Variants in RYR2 observed in about 807,000 individuals in gnomAD.
The protein encoded by RYR2 is cardiac muscle ryanodine receptor-calcium release channel.
In RYR2, 227 loss-of-function variants were observed where a neutral mutation model predicts 601.1. That is an observed-to-expected ratio of 0.38 (90% CI 0.34 to 0.42). RYR2 has a LOEUF of 0.42. RYR2 is among the 10% of genes least tolerant of loss of function. The pLI is 1.00. For missense variants in RYR2, 4,646 were observed against 6,156.5 expected, an observed-to-expected ratio of 0.75 and a Z score of 8.21; for synonymous variants, 2,223 against 2,175.1, an observed-to-expected ratio of 1.02 and a Z score of -0.61.
At chr1:237,698,535 GA>G (rs1375172562) in intron 63 of RYR2, among the ~76,000 whole-genome samples, 2 of 152,092 alleles carry the variant, frequency 1.3e-5, no homozygotes, top group Admixed American at 1.3e-4. Flanking sequence ...GATGAAATAA[GA>G]AAGCAGAATT....
intron 17 of RYR2, among the ~76,000 whole-genome samples, chr1:237,490,471 G>T (rs1338455973): frequency 6.6e-6 from 1 of 151,968 alleles, no homozygotes; most frequent in African/African-American, 2.4e-5. Context: ...TTTTATTTTA[G>T]CACAGAATGA....
rs190865702 is a variant in RYR2, at chr1:237,349,146, A to G, written c.274-6819A>G. Among the ~76,000 whole-genome samples the G allele has an allele frequency of 3.0e-4, 45 of 152,278 alleles. 1 individual carries two copies. The East Asian group carries it at 8.5e-3, about 29-fold the overall frequency. ...AAGGAATATTAATACTTATAAAACC[A>G]CACTGGGTTACCATAGTAAAAATGC... On this transcript the variant is annotated intron_variant, in intron 3 of 104. Coordinates refer to ENST00000366574, the MANE Select transcript of RYR2 (RefSeq NM_001035.3).
At chr1:237,393,763 C>A (rs554966090) in intron 10 of RYR2, among the ~76,000 whole-genome samples, 1 of 152,172 alleles carries the variant, frequency 6.6e-6, no homozygotes, top group African/African-American at 2.4e-5. Flanking sequence ...GGGAGAGATT[C>A]GCTTTTTACC....
At chr1:237,586,198 C>G (rs561845729) in intron 29 of RYR2, among the ~76,000 whole-genome samples, 1 of 152,282 alleles carries the variant, frequency 6.6e-6, no homozygotes, top group South Asian at 2.1e-4. Context: ...GTATATTCTT[C>G]AATCGTCAAT....
chr1:237,767,618 C>T (rs1192914706), intron 84 of RYR2, among the ~76,000 whole-genome samples: 1 of 152,158 alleles, frequency 6.6e-6, no homozygotes, highest in African/African-American at 2.4e-5. Context: ...ATATCTAGCA[C>T]AATGCCTAGC....
chr1:237,047,826 C>T (rs1558139292), intron 1 of RYR2, among the ~76,000 whole-genome samples: 1 of 152,132 alleles, frequency 6.6e-6, no homozygotes, highest in Non-Finnish European at 1.5e-5. Context: ...AGATTCTGTC[C>T]TATTTCCTGT....
Position 237,625,720 on chromosome 1 carries a change from C to T in RYR2, c.6082C>T (p.Arg2028Cys), listed in dbSNP as rs767787774. 16 of 1,613,536 alleles carry T rather than the reference C, an allele frequency of 9.9e-6. No individual in the cohort carries two copies. Among genetic ancestry groups the T allele is most frequent in the South Asian group, 2.2e-5 (2 of 91,066 alleles). The change falls in exon 40 of 105, where the codon CGT (arginine) becomes TGT (cysteine). Residue 2028 changes from arginine to cysteine, a missense_variant. Around this residue, in one of 17 missense-constraint regions of RYR2, gnomAD observed 170 missense variants for 184.5 expected, o/e 0.92. Transcript: ENST00000366574. ...DGNSDLTIRGRLLSLVEKVTY... is the reference protein window; with the variant it reads ...DGNSDLTIRGCLLSLVEKVTY... The stretch of plus-strand genomic sequence containing the variant: ...AAACAGTGATTTAACAATTAGAGGG[C>T]GTCTGCTATCCCTGGTAGAAAAGGT...
At chr1:237,365,842 TA>T (rs1700148692) in intron 5 of RYR2, among the ~76,000 whole-genome samples, 1 of 152,168 alleles carries the variant, frequency 6.6e-6, no homozygotes, top group African/African-American at 2.4e-5. Context: ...CAAATGCATA[TA>T]AAAACCAGTG....
intron 2 of RYR2, among the ~76,000 whole-genome samples, chr1:237,298,109 G>A (rs1475825487): frequency 6.6e-6 from 1 of 151,992 alleles, no homozygotes; most frequent in Admixed American, 6.6e-5. Flanking sequence ...GGAATCATTT[G>A]TTCCTTCAGA....
chr1:237,071,074 G>A (rs1174846562), intron 1 of RYR2, among the ~76,000 whole-genome samples: 1 of 152,232 alleles, frequency 6.6e-6, no homozygotes, highest in Non-Finnish European at 1.5e-5. Context: ...TGGGAAGAAT[G>A]AGGTATGCAG....
At chr1:237,054,339 C>G (rs1398660332) in intron 1 of RYR2, among the ~76,000 whole-genome samples, 1 of 147,352 alleles carries the variant, frequency 6.8e-6, no homozygotes, top group African/African-American at 2.5e-5. Context: ...CCCTCCCCCC[C>G]TCCCTCCATC....
chr1:237,780,796 A>C (rs958779844), intron 88 of RYR2, among the ~76,000 whole-genome samples: 6 of 152,216 alleles, frequency 3.9e-5, no homozygotes, highest in Non-Finnish European at 8.8e-5. Context: ...TGGTTAATTT[A>C]TCTAACAAAT....
chr1:237,174,758 T>TATTCTGG lies in RYR2; in HGVS notation c.49-95737_49-95731dup, dbSNP rs577342193. ...TTTAGGAGTAAACTCATAATAGGCCTATTCTGGACTCTGCTGTTAGAAATA... is the reference window on the plus strand; with the variant it reads ...TTTAGGAGTAAACTCATAATAGGCCTATTCTGGATTCTGGACTCTGCTGTTAGAAATA... On this transcript the variant is annotated intron_variant, in intron 1 of 104. Transcript: ENST00000366574. Among the ~76,000 whole-genome samples, 4 of 152,340 alleles carry TATTCTGG rather than the reference T, an allele frequency of 2.6e-5. No individual in the cohort carries two copies. The East Asian group carries it at 7.7e-4, about 29-fold the overall frequency.
intron 35 of RYR2, among the ~76,000 whole-genome samples, chr1:237,603,159 C>T (rs991418994): frequency 3.3e-5 from 5 of 152,232 alleles, no homozygotes; most frequent in African/African-American, 4.8e-5. Context: ...TAATTAGTGA[C>T]GTTCATGAAT....
chr1:237,630,793 C>A (rs947416616), intron 41 of RYR2, among the ~76,000 whole-genome samples: 1 of 152,072 alleles, frequency 6.6e-6, no homozygotes, highest in Admixed American at 6.6e-5. Flanking sequence ...AATGATAATA[C>A]GAGACATTTT....
intron 62 of RYR2, among the ~76,000 whole-genome samples, chr1:237,682,431 A>G (rs1374351925): frequency 6.6e-6 from 1 of 152,154 alleles, no homozygotes; most frequent in African/African-American, 2.4e-5. Flanking sequence ...CAACATTTCA[A>G]TTAATTTTGG....
intron 58 of RYR2, among the ~76,000 whole-genome samples, chr1:237,668,861 A>T (rs567851189): frequency 6.6e-6 from 1 of 152,358 alleles, no homozygotes; most frequent in South Asian, 2.1e-4. Context: ...AAAAGAGAAG[A>T]TTCCACATTT....
chr1:237,732,000 A>T (rs750688825), intron 77 of RYR2, 46 bp from the exon 78 acceptor site: 1 of 1,269,604 alleles, frequency 7.9e-7, no homozygotes, highest in African/African-American at 1.5e-5. Context: ...ATTTGAGTGA[A>T]CATTTTTTTT....
At chr1:237,058,414 T>G (rs1207899134) in intron 1 of RYR2, among the ~76,000 whole-genome samples, 1 of 152,152 alleles carries the variant, frequency 6.6e-6, no homozygotes. Flanking sequence ...GTACATATAA[T>G]TTGTTGCTTG....
Sources: allele counts gnomAD v4.1 joint callset (sites outside exome capture counted in the v4.1 genomes callset), GRCh38; gene constraint gnomAD v4.1.1; regional missense constraint gnomAD v4.1.1; transcripts MANE v1.5; gene names NCBI Gene and HGNC (gene_info 2026-07-23, HGNC 2026-07-21).